Variants in PCDH11X observed in about 807,000 individuals in gnomAD.
PCDH11X encodes protocadherin-11 X-linked.
Under a neutral mutation model 53.3 loss-of-function variants are expected in PCDH11X, and 18 were observed. The ratio of observed to expected loss-of-function variants is 0.34; its 90% CI spans 0.23 to 0.50. The LOEUF is 0.50. PCDH11X is among the 20% of genes least tolerant of loss of function. PCDH11X has a pLI of 0.98. For synonymous variants in PCDH11X, 279 were observed against 393.3 expected, an observed-to-expected ratio of 0.71 and a Z score of 3.44; for missense variants, 570 against 1,032.4, an observed-to-expected ratio of 0.55 and a Z score of 6.14.
At chrX:92,197,008 GTATGT>G (rs1569417153) in intron 6 of PCDH11X, among the ~76,000 whole-genome samples, 1 of 111,477 alleles carries the variant, frequency 9.0e-6, no homozygotes, top group East Asian at 2.8e-4. Flanking sequence ...TATCATAGAA[GTATGT>G]TATGAGGCTC....
At chrX:92,293,267 A>T (rs1182374029) in intron 8 of PCDH11X, among the ~76,000 whole-genome samples, 1 of 111,056 alleles carries the variant, frequency 9.0e-6, no homozygotes, top group African/African-American at 3.3e-5. Context: ...AGTAAAATTA[A>T]AAGCAACACT....
At chrX:92,084,194 C>A (rs1408610937) in intron 6 of PCDH11X, among the ~76,000 whole-genome samples, 2 of 111,452 alleles carry the variant, frequency 1.8e-5, no homozygotes, top group Non-Finnish European at 3.8e-5. Flanking sequence ...TATTTATGCA[C>A]CTTACTAGAC....
intron 6 of PCDH11X, among the ~76,000 whole-genome samples, chrX:92,173,943 C>T (rs1416549796): frequency 1.1e-5 from 1 of 90,528 alleles, no homozygotes; most frequent in East Asian, 3.6e-4. Flanking sequence ...CGTGATAGCA[C>T]CACAGCATGA....
intron 4 of PCDH11X, among the ~76,000 whole-genome samples, chrX:91,833,289 C>T (rs1322684706): frequency 9.0e-6 from 1 of 111,279 alleles, no homozygotes; most frequent in Non-Finnish European, 1.9e-5. Context: ...ATGCTAGATT[C>T]ACAGCATATA....
intron 10 of PCDH11X, among the ~76,000 whole-genome samples, chrX:92,487,651 A>G (rs1243827167): frequency 9.0e-6 from 1 of 111,190 alleles, no homozygotes; most frequent in Non-Finnish European, 1.9e-5. Flanking sequence ...AAATAAGTAT[A>G]CTGCAATCTG....
intron 7 of PCDH11X, among the ~76,000 whole-genome samples, chrX:92,234,174 G>C (rs150332468): frequency 7.3e-4 from 82 of 112,143 alleles, no homozygotes; most frequent in African/African-American, 2.5e-3. Flanking sequence ...ATATAAGCTT[G>C]ACAACACTGA....
chrX:92,064,576 G>A (rs2063577544), intron 6 of PCDH11X, among the ~76,000 whole-genome samples: 1 of 109,834 alleles, frequency 9.1e-6, no homozygotes, highest in African/African-American at 3.3e-5. Context: ...CCCTGTTCCA[G>A]GCAACTACTA....
chrX:92,210,230 CTTTTTTTTTTTT>C (rs146233770), intron 7 of PCDH11X, among the ~76,000 whole-genome samples: 1 of 41,079 alleles, frequency 2.4e-5, no homozygotes, highest in South Asian at 2.8e-3. Context: ...AGAAAATGGG[CTTTTTTTTTTTT>C]TTTTTTTTTT....
At chrX:92,252,788 C>G (rs967436033) in intron 7 of PCDH11X, among the ~76,000 whole-genome samples, 1 of 110,874 alleles carries the variant, frequency 9.0e-6, no homozygotes, top group Non-Finnish European at 1.9e-5. Context: ...AGAGTAGTGA[C>G]TTAGGATAAA....
At chrX:92,255,260 C>T (rs1328228848) in intron 7 of PCDH11X, among the ~76,000 whole-genome samples, 6 of 105,873 alleles carry the variant, frequency 5.7e-5, no homozygotes, top group South Asian at 8.9e-4. Context: ...GCATTCTTCA[C>T]GTAGTTCTCG....
chrX:92,202,942 G>C (rs1257587040), intron 7 of PCDH11X, among the ~76,000 whole-genome samples: 1 of 111,386 alleles, frequency 9.0e-6, no homozygotes, highest in Non-Finnish European at 1.9e-5. Flanking sequence ...AGAATGGCAT[G>C]AACCCAGGAG....
intron 8 of PCDH11X, among the ~76,000 whole-genome samples, chrX:92,298,092 C>T (rs1428831654): frequency 9.0e-6 from 1 of 111,658 alleles, no homozygotes; most frequent in African/African-American, 3.3e-5. Flanking sequence ...CACCTGCAAA[C>T]AAGGACAGTT....
At chrX:91,836,672 A>G (rs1205395812) in intron 5 of PCDH11X, among the ~76,000 whole-genome samples, 4 of 111,503 alleles carry the variant, frequency 3.6e-5, no homozygotes, top group Non-Finnish European at 7.5e-5. Context: ...TTTTACAATT[A>G]TTTGAAAACA....
intron 4 of PCDH11X, among the ~76,000 whole-genome samples, chrX:91,819,791 A>C (rs1390949556): frequency 3.0e-5 from 3 of 99,236 alleles, no homozygotes; most frequent in Non-Finnish European, 6.0e-5. Context: ...ATCTAGCATT[A>C]GGTATATCTC....
chrX:92,185,481 G>A (rs4532750), intron 6 of PCDH11X, among the ~76,000 whole-genome samples: 46,048 of 109,976 alleles, frequency 0.42, 8,367 homozygotes, highest in Non-Finnish European at 0.58. Flanking sequence ...CCTCAAAAGC[G>A]CAGGCAACAA....
chrX:92,479,382 T>C (rs1392279524), intron 10 of PCDH11X, among the ~76,000 whole-genome samples: 1 of 110,010 alleles, frequency 9.1e-6, no homozygotes, highest in Non-Finnish European at 1.9e-5. Flanking sequence ...CTGATATGTA[T>C]GGATTTGATT....
At chrX:92,032,109 T>C (rs1000705021) in intron 6 of PCDH11X, among the ~76,000 whole-genome samples, 4 of 112,014 alleles carry the variant, frequency 3.6e-5, no homozygotes, top group Non-Finnish European at 7.5e-5. Flanking sequence ...ATTCTTCCAA[T>C]TCATTAACAT....
intron 7 of PCDH11X, among the ~76,000 whole-genome samples, chrX:92,260,185 T>G (rs1249125370): frequency 9.0e-6 from 1 of 111,146 alleles, no homozygotes; most frequent in South Asian, 3.9e-4. Context: ...GCAGTCCTTA[T>G]GGCTTAGACT....
chrX:91,923,091 A>G lies in PCDH11X; in HGVS notation c.3033+43818A>G, dbSNP rs184647684. On this transcript the variant is annotated intron_variant, in intron 6 of 10. Coordinates refer to ENST00000682573, the MANE Select transcript of PCDH11X (RefSeq NM_032968.5). ...CTGTGCTACAAATAATAATTAGTGC[A>G]CTTCTAGTTATACGAAGGATAGCTG... 8.3e-5 allele frequency among the ~76,000 whole-genome samples: 9 copies of G among 108,654 alleles called. No homozygotes were observed. In the Admixed American group the frequency reaches 8.8e-4, roughly 11 times the overall value. 94.4% of individuals were successfully genotyped at this position (108,654 alleles called of 115,157 possible). A position where few individuals can be genotyped will look rare whatever the true frequency, so the allele number is the denominator to read the frequency against.
Sources: gnomAD v4.1 joint callset for allele counts (sites outside exome capture counted in the v4.1 genomes callset) on GRCh38, gnomAD v4.1.1 for gene constraint, MANE v1.5 for transcripts, NCBI Gene and HGNC (gene_info 2026-07-23, HGNC 2026-07-21) for gene names.